The following ZNF808 variants were observed in gnomAD, a reference collection of about 807,000 sequenced individuals.
ZNF808 encodes the protein zinc finger protein 808.
Under a neutral mutation model 8.7 loss-of-function variants are expected in ZNF808, and 5 were observed. That is an observed-to-expected ratio of 0.58 (90% confidence interval 0.30 to 1.21). The LOEUF is 1.21. Among genes scored for constraint, ZNF808 ranks in the 50% most tolerant of loss-of-function variants. The pLI is 0.07. For synonymous variants in ZNF808, 380 were observed against 366.0 expected (o/e 1.04, Z -0.44); for missense variants, 1,103 against 1,098.4 (o/e 1.00, Z -0.06).
chr19:52,557,122 C>A (rs1482173195), downstream of ZNF808, among the ~76,000 whole-genome samples: 1 of 152,082 alleles, frequency 6.6e-6, no homozygotes, highest in African/African-American at 2.4e-5. Context: ...AGGCACCTAC[C>A]AGCACACCTG....
chr19:52,531,301 C>T (rs539577694), intron 1 of ZNF808, among the ~76,000 whole-genome samples: 1 of 151,826 alleles, frequency 6.6e-6, no homozygotes, highest in Non-Finnish European at 1.5e-5. Context: ...TAGAGAAACC[C>T]GGTCTCTATA....
chr19:52,567,193 G>A (rs2059874982), downstream of ZNF808, among the ~76,000 whole-genome samples: 1 of 151,822 alleles, frequency 6.6e-6, no homozygotes, highest in Non-Finnish European at 1.5e-5. Flanking sequence ...CTCAGGTGAT[G>A]CCCCCACGTC....
At chr19:52,547,067 C>T (rs2059729155) in intron 3 of ZNF808, among the ~76,000 whole-genome samples, 1 of 151,562 alleles carries the variant, frequency 6.6e-6, no homozygotes, top group African/African-American at 2.4e-5. Context: ...CCTGCCTCAG[C>T]CTCCTGTGTA....
rs1325622365 is a variant in ZNF808, at chr19:52,552,702, G to GT, written c.191-405_191-404insT. On this transcript the variant is annotated intron_variant, in intron 4 of 4. Transcript: ENST00000359798. Reference sequence around the variant, plus strand: ...TATTTACCAATATAGTATGTTGTGTGGTTTTTTTTTTTTTTTAGCATTTAT... The same window carrying GT: ...TATTTACCAATATAGTATGTTGTGTGTGTTTTTTTTTTTTTTTAGCATTTAT... Among the ~76,000 whole-genome samples, 468 of 102,242 alleles carry GT rather than the reference G, an allele frequency of 4.6e-3. 2 individuals are homozygous for GT. Among genetic ancestry groups the GT allele is most frequent in the Middle Eastern group, 0.011 (2 of 180 alleles). The allele number at this position is 102,242 out of a possible 152,430, so 67.1% of individuals were successfully genotyped here.
chr19:52,543,233 C>G, intron 2 of ZNF808, 33 bp from the exon 3 acceptor site: 2 of 1,604,996 alleles, frequency 1.2e-6, no homozygotes, highest in Non-Finnish European at 1.7e-6. Flanking sequence ...TGAGTCATTT[C>G]TAACATGAAG....
Position 52,554,276 on chromosome 19 carries a change from C to A in ZNF808, c.1360C>A (p.Pro454Thr). The A allele has an allele frequency of 6.2e-7, 1 of 1,614,052 alleles. No individual in the cohort carries two copies. Among genetic ancestry groups the A allele is most frequent in the Non-Finnish European group, 8.5e-7 (1 of 1,180,000 alleles). Residue 454 changes from proline to threonine, a missense_variant, in exon 5 of 5, where the codon CCA (proline) becomes ACA (threonine). Pro to Thr is a conservative substitution (Grantham distance 38). Coordinates refer to ENST00000359798, the MANE Select transcript of ZNF808 (RefSeq NM_001039886.4). ...TAAGAGAATTCATACTGGAGAGAAA[C>A]CATACAAATGTAAGGTTTGTGATAC... ...RHKRIHTGEK[P>T]YKCKVCDTAF...
intron 2 of ZNF808, among the ~76,000 whole-genome samples, chr19:52,538,748 A>G (rs2059639103): frequency 6.6e-6 from 1 of 152,024 alleles, no homozygotes; most frequent in Non-Finnish European, 1.5e-5. Flanking sequence ...TATGCATAGA[A>G]TGATGGAGGG....
intron 1 of ZNF808, among the ~76,000 whole-genome samples, chr19:52,531,202 G>A (rs895819510): frequency 2.6e-5 from 4 of 152,190 alleles, no homozygotes; most frequent in East Asian, 1.9e-4. Flanking sequence ...GGCCATGTTC[G>A]GTGGCTCACA....
downstream of ZNF808, among the ~76,000 whole-genome samples, chr19:52,560,970 C>A (rs568708775): frequency 6.6e-6 from 1 of 152,102 alleles, no homozygotes; most frequent in Non-Finnish European, 1.5e-5. Context: ...ACTACTCTCA[C>A]TGAGTAAGTC....
In ZNF808 at chr19:52,553,519, A is replaced by C; in HGVS notation, c.603A>C (p.Gln201His). 1 of 1,614,188 alleles carries C rather than the reference A, an allele frequency of 6.2e-7. No homozygotes were observed. The highest frequency in any genetic ancestry group is 8.5e-7 in the Non-Finnish European group (1 of 1,180,026). Residue 201 changes from glutamine to histidine, a missense_variant, in exon 5 of 5, where the codon CAA (glutamine) becomes CAC (histidine). Coordinates refer to ENST00000359798, the MANE Select transcript of ZNF808 (RefSeq NM_001039886.4). ...STSQRISCRP[Q>H]IHISNNYGNN... is the part of the protein sequence containing the mutation. Reference sequence around the variant, plus strand: ...CCCAAAGAATTTCCTGTAGGCCCCAAATCCATATTTCTAATAACTATGGGA... The same window carrying C: ...CCCAAAGAATTTCCTGTAGGCCCCACATCCATATTTCTAATAACTATGGGA...
At chr19:52,530,418 C>A (rs991648725) in intron 1 of ZNF808, among the ~76,000 whole-genome samples, 1 of 151,752 alleles carries the variant, frequency 6.6e-6, no homozygotes, top group Non-Finnish European at 1.5e-5. Flanking sequence ...AATCCCAGCA[C>A]GTTGGGAGAC....
At chr19:52,533,843 CAAAAAAAAAA>C (rs919374020) in intron 2 of ZNF808, among the ~76,000 whole-genome samples, 13 of 30,764 alleles carry the variant, frequency 4.2e-4, no homozygotes, top group Non-Finnish European at 4.8e-4. Flanking sequence ...ACTCCGTCTC[CAAAAAAAAAA>C]AAAAAAAAAA....
intron 2 of ZNF808, among the ~76,000 whole-genome samples, chr19:52,539,543 TGGTG>T (rs1388839785): frequency 8.3e-6 from 1 of 120,712 alleles, no homozygotes; most frequent in Non-Finnish European, 1.6e-5. Context: ...ATTTTTGTTG[TGGTG>T]GTTTTTTTTT....
Position 52,554,896 on chromosome 19 carries a change from C to G in ZNF808, c.1980C>G (p.Phe660Leu), listed in dbSNP as rs756736684. 3.1e-6 allele frequency: 5 copies of G among 1,614,046 alleles called. No homozygotes were observed. The African/African-American group carries it at 6.7e-5, about 22-fold the overall frequency. ...TYKCNECGKT[F>L]SYKSSLVWHR... The stretch of plus-strand genomic sequence containing the variant: ...AGTGTAATGAGTGTGGGAAGACCTT[C>G]AGTTACAAGTCATCACTTGTATGGC... Residue 660 changes from phenylalanine to leucine, a missense_variant, in exon 5 of 5, where the codon TTC (phenylalanine) becomes TTG (leucine). By Grantham distance (22) the Phe-to-Leu change is conservative. Coordinates refer to ENST00000359798, the MANE Select transcript of ZNF808 (RefSeq NM_001039886.4).
intron 3 of ZNF808, among the ~76,000 whole-genome samples, chr19:52,545,448 T>A (rs1340719120): frequency 6.6e-6 from 1 of 152,212 alleles, no homozygotes. Flanking sequence ...TGATTTTAAG[T>A]ATTTTTCATT....
At chr19:52,542,958 T>G (rs58566229) in intron 2 of ZNF808, among the ~76,000 whole-genome samples, 2,161 of 142,018 alleles carry the variant, frequency 0.015, 48 homozygotes, top group African/African-American at 0.052. Context: ...ATCTTTTTTT[T>G]GGGGGGGGGG....
At chr19:52,545,295 C>T (rs1371491996) in intron 3 of ZNF808, among the ~76,000 whole-genome samples, 1 of 152,170 alleles carries the variant, frequency 6.6e-6, no homozygotes, top group Non-Finnish European at 1.5e-5. Flanking sequence ...TCAGCCTCTC[C>T]AGTAGCTTGG....
At chr19:52,531,009 G>C (rs532842918) in intron 1 of ZNF808, among the ~76,000 whole-genome samples, 4 of 151,944 alleles carry the variant, frequency 2.6e-5, no homozygotes, top group African/African-American at 9.6e-5. Context: ...ATTAGCCAAG[G>C]GTGGTGGCAT....
At chr19:52,539,473 G>A (rs1244712282) in intron 2 of ZNF808, among the ~76,000 whole-genome samples, 2 of 150,814 alleles carry the variant, frequency 1.3e-5, no homozygotes, top group Non-Finnish European at 2.9e-5. Flanking sequence ...ACAGGCGTGA[G>A]CCACCACACT....
Sources: allele counts gnomAD v4.1 joint callset (sites outside exome capture counted in the v4.1 genomes callset), GRCh38; gene constraint gnomAD v4.1.1; transcripts MANE v1.5; gene names NCBI Gene and HGNC (gene_info 2026-07-23, HGNC 2026-07-21).